The following EIF3D variants were observed in gnomAD, a reference collection of about 807,000 sequenced individuals.
The protein encoded by EIF3D is eukaryotic translation initiation factor 3 subunit D.
In EIF3D, 10 loss-of-function variants were observed where a neutral mutation model predicts 75.4. That is an observed-to-expected ratio of 0.13 (90% confidence interval 0.08 to 0.22). The LOEUF is 0.22. EIF3D is among the 10% of genes least tolerant of loss of function. The pLI is 1.00. For missense variants in EIF3D, 394 were observed against 708.0 expected (o/e 0.56, Z 5.03); for synonymous variants, 246 against 248.3 (o/e 0.99, Z 0.09).
At chr22:36,512,381 G>T in intron 13 of EIF3D, 79 bp downstream of exon 13, 4 of 1,566,384 alleles carry the variant, frequency 2.6e-6, no homozygotes, top group Admixed American at 1.7e-5. Context: ...TCCAGTACAC[G>T]GGGAGGGGAG....
At position 36,510,905 on chromosome 22, in the gene EIF3D, C is replaced by T; in HGVS notation, c.*82G>A. The T allele has an allele frequency of 2.1e-6, 3 of 1,462,874 alleles. No individual in the cohort carries two copies. In the South Asian group the frequency reaches 4.1e-5, roughly 20 times the overall value. The allele number at this position is 1,462,874 out of a possible 1,614,324, so 90.6% of individuals were successfully genotyped here. On this transcript the variant is annotated 3_prime_UTR_variant, in exon 15 of 15. Coordinates refer to ENST00000216190, the MANE Select transcript of EIF3D (RefSeq NM_003753.4). ...ATTTCATCTGCTAAATGTCAGAGAGCAAGTTAGACACACATTCCACTAAGC... is the reference window on the plus strand; with the variant it reads ...ATTTCATCTGCTAAATGTCAGAGAGTAAGTTAGACACACATTCCACTAAGC...
chr22:36,511,572 G>C lies in EIF3D; in HGVS notation c.1564C>G (p.Leu522Val). The C allele has an allele frequency of 6.2e-7, 1 of 1,614,026 alleles. No individual in the cohort carries two copies. Among genetic ancestry groups the C allele is most frequent in the Non-Finnish European group, 8.5e-7 (1 of 1,179,996 alleles). Residue 522 changes from leucine (L) to valine (V), a missense_variant, in exon 14 of 15, where the codon CTC (leucine) becomes GTC (valine). By Grantham distance (32) the Leu-to-Val change is conservative. Transcript: ENST00000216190. ...PNKQVIRVYS[L>V]PDGTFSSDED... ...TCAGAGCTGAAGGTGCCATCAGGGA[G>C]GCTGTAGACACGGATGACCTGCTTG...
At chr22:36,525,741 C>G in intron 2 of EIF3D, 32 bp from the exon 3 acceptor site, 1 of 1,600,566 alleles carries the variant, frequency 6.2e-7, no homozygotes, top group Non-Finnish European at 8.5e-7. Flanking sequence ...AGAGAATGCA[C>G]AGGTCAACCA....
chr22:36,512,796 G>A (rs754261625), intron 12 of EIF3D, 194 bp from the exon 13 acceptor site: 30 of 598,584 alleles, frequency 5.0e-5, no homozygotes, highest in East Asian at 8.9e-5. Flanking sequence ...GTCACTCAAC[G>A]ACTTACAATT....
In EIF3D at chr22:36,524,745, G is replaced by A. The variant is rs767819790; in HGVS notation, c.170-13C>T. ...GAGGAGTACTTATCTGGAGGCAAAG[G>A]TGATGGCATGTAGTAACTGCACCCA... On this transcript the variant is annotated splice_polypyrimidine_tract_variant and intron_variant, in intron 3 of 14. Transcript: ENST00000216190. The A allele has an allele frequency of 3.1e-6, 5 of 1,614,214 alleles. No homozygotes were observed. The Admixed American group carries it at 6.7e-5, about 22-fold the overall frequency.
intron 3 of EIF3D, among the ~76,000 whole-genome samples, chr22:36,525,086 G>A (rs1300565256): frequency 3.9e-5 from 6 of 152,114 alleles, no homozygotes; most frequent in Non-Finnish European, 7.4e-5. Flanking sequence ...GGGGCCCATG[G>A]CAGGTATGTC....
chr22:36,520,623 A>C lies in EIF3D; in HGVS notation c.531T>G (p.Pro177=). The C allele has an allele frequency of 1.2e-6, 2 of 1,613,684 alleles. No individual in the cohort carries two copies. The highest frequency in any genetic ancestry group is 1.7e-6 in the Non-Finnish European group (2 of 1,179,652). Residue 177 remains proline (P), a synonymous_variant, in exon 7 of 15, where the codon CCT becomes CCG. Coordinates refer to ENST00000216190, the MANE Select transcript of EIF3D (RefSeq NM_003753.4). The part of the protein sequence containing the change: ...DWEVKEEMDF[P]QLMKMRYLEV... ...CCAAGTAGCGCATCTTCATCAACTGAGGAAAATCCATTTCCTCTTTCACTT... is the reference window on the plus strand; with the variant it reads ...CCAAGTAGCGCATCTTCATCAACTGCGGAAAATCCATTTCCTCTTTCACTT...
chr22:36,514,968 G>A (rs181851861), intron 12 of EIF3D, among the ~76,000 whole-genome samples: 2 of 151,726 alleles, frequency 1.3e-5, no homozygotes, highest in East Asian at 1.9e-4. Flanking sequence ...TTGTTTAAAA[G>A]TGTATACCAA....
At chr22:36,528,420 G>GT (rs1203633049) in intron 1 of EIF3D, among the ~76,000 whole-genome samples, 9,842 of 148,088 alleles carry the variant, frequency 0.066, 839 homozygotes, top group African/African-American at 0.2. Context: ...TTTAATAAAT[G>GT]TTTTTTTTTT....
chr22:36,525,300 A>G (rs1182463089), intron 3 of EIF3D, among the ~76,000 whole-genome samples: 1 of 145,402 alleles, frequency 6.9e-6, no homozygotes, highest in Non-Finnish European at 1.5e-5. Context: ...CTGGAGTACA[A>G]TAGCATGATC....
At chr22:36,519,683 G>C in intron 7 of EIF3D, 146 bp from the exon 8 acceptor site, 1 of 1,126,844 alleles carries the variant, frequency 8.9e-7, no homozygotes, top group Non-Finnish European at 1.2e-6. Flanking sequence ...CGAATCCTCA[G>C]TGCTTGCTCA....
intron 12 of EIF3D, chr22:36,516,244 A>C (rs550981016): frequency 4.4e-6 from 2 of 449,458 alleles, no homozygotes; most frequent in African/African-American, 3.9e-5. Context: ...CTGCGTAAAA[A>C]ATAAGCAGAA....
chr22:36,519,657 G>T, intron 7 of EIF3D, 120 bp from the exon 8 acceptor site: 1 of 1,390,618 alleles, frequency 7.2e-7, no homozygotes, highest in Non-Finnish European at 9.8e-7. Context: ...GCAATCTCTG[G>T]CCAGAGCAGG....
intron 12 of EIF3D, among the ~76,000 whole-genome samples, chr22:36,514,177 G>A (rs1344205954): frequency 6.6e-6 from 1 of 152,188 alleles, no homozygotes; most frequent in East Asian, 1.9e-4. Flanking sequence ...CTGGCCCAGA[G>A]GCAATGACGG....
intron 6 of EIF3D, among the ~76,000 whole-genome samples, chr22:36,521,024 A>AC (rs1160201459): frequency 1.3e-5 from 2 of 151,922 alleles, no homozygotes; most frequent in Admixed American, 1.3e-4. Flanking sequence ...ACATGGTGAA[A>AC]CCCCATCTCT....
At chr22:36,526,613 C>CTTTT (rs542035473) in intron 1 of EIF3D, among the ~76,000 whole-genome samples, 6 of 145,734 alleles carry the variant, frequency 4.1e-5, no homozygotes, top group African/African-American at 5.0e-5. Flanking sequence ...TTCTTTCTTT[C>CTTTT]TTTTTTTTTT....
In EIF3D at chr22:36,529,158, G is replaced by A. The variant is rs1309511640; in HGVS notation, c.-93C>T. 1.3e-5 allele frequency: 5 copies of A among 397,428 alleles called. No individual in the cohort carries two copies. The highest frequency in any genetic ancestry group is 1.8e-5 in the Non-Finnish European group (4 of 225,532). 24.6% of individuals were successfully genotyped at this position (397,428 alleles called of 1,614,324 possible). A position where few individuals can be genotyped will look rare whatever the true frequency, so the allele number is the denominator to read the frequency against. On this transcript the variant is annotated 5_prime_UTR_variant, in exon 1 of 15. Coordinates refer to ENST00000216190, the MANE Select transcript of EIF3D (RefSeq NM_003753.4). ...TAGCAGCAGCACTCTTGAGAAACCA[G>A]GAAAAGAGGAAACATGCGCGCGCAG...
In EIF3D at chr22:36,526,155, T is replaced by C. The variant is rs761680902; in HGVS notation, c.-10-24A>G. The C allele has an allele frequency of 2.5e-6, 4 of 1,578,884 alleles. No individual in the cohort carries two copies. The Admixed American group carries it at 7.1e-5, about 28-fold the overall frequency. On this transcript the variant is annotated intron_variant, in intron 1 of 14. Transcript: ENST00000216190. The stretch of plus-strand genomic sequence containing the variant: ...ATCTGAAAAATATAAATCATGTGAG[T>C]AGCGGCATGAACGAAGGCCTCAGAG...
Position 36,523,787 on chromosome 22 carries a change from T to A in EIF3D, c.392+108A>T. 3 of 1,072,660 alleles carry A rather than the reference T, an allele frequency of 2.8e-6. No individual in the cohort carries two copies. The South Asian group carries it at 3.8e-5, about 14-fold the overall frequency. The allele number at this position is 1,072,660 out of a possible 1,614,324, so 66.4% of individuals were successfully genotyped here. ...TAACTGGTTGTAGAAAGTATTTTCCTTTTTTGCAGTGGTGGGGAATACAAC... is the reference window on the plus strand; with the variant it reads ...TAACTGGTTGTAGAAAGTATTTTCCATTTTTGCAGTGGTGGGGAATACAAC... On this transcript the variant is annotated intron_variant, in intron 5 of 14. Coordinates refer to ENST00000216190, the MANE Select transcript of EIF3D (RefSeq NM_003753.4).
Sources: allele counts gnomAD v4.1 joint callset (sites outside exome capture counted in the v4.1 genomes callset), GRCh38; gene constraint gnomAD v4.1.1; transcripts MANE v1.5; gene names NCBI Gene and HGNC (gene_info 2026-07-23, HGNC 2026-07-21).